The following GUCY1A2 variants were observed in gnomAD, a reference collection of about 807,000 sequenced individuals.
The protein encoded by GUCY1A2 is guanylate cyclase 1 soluble subunit alpha 2.
GUCY1A2 carries 27 observed loss-of-function variants against 63.5 expected under a neutral mutation model. That is an observed-to-expected ratio of 0.43 (90% CI 0.31 to 0.59). The LOEUF (loss-of-function observed/expected upper bound fraction) is 0.59, where lower values mean the gene tolerates loss of function less well. Among genes scored for constraint, GUCY1A2 ranks in the 20% least tolerant of loss-of-function variants. The probability of loss-of-function intolerance (pLI) is 0.11; values close to 1 mark genes in which losing one functional copy is unlikely to be tolerated. For missense variants in GUCY1A2, 768 were observed against 913.3 expected, an observed-to-expected ratio of 0.84 and a Z score of 2.05; for synonymous variants, 364 against 343.5, an observed-to-expected ratio of 1.06 and a Z score of -0.66.
intron 1 of GUCY1A2, among the ~76,000 whole-genome samples, chr11:106,998,481 G>A (rs1439285457): frequency 6.6e-6 from 1 of 152,190 alleles, no homozygotes; most frequent in Admixed American, 6.5e-5. Flanking sequence ...AAGTAAGCAT[G>A]TGCATATATT....
rs1202036785 is a variant in GUCY1A2, at chr11:106,824,530, A to G, written c.1207-14052T>C. On this transcript the variant is annotated intron_variant, in intron 4 of 7. Coordinates refer to ENST00000526355, the MANE Select transcript of GUCY1A2 (RefSeq NM_000855.3). ...CAGTGGTTAGAAACCACTGTTTTAA[A>G]CCAAATACTATCAAGTCTGCAAAAG... Among the ~76,000 whole-genome samples the G allele has an allele frequency of 4.6e-5, 7 of 151,926 alleles. No homozygotes were observed. In the East Asian group the frequency reaches 1.4e-3, roughly 29 times the overall value.
chr11:106,978,749 A>C lies in GUCY1A2; in HGVS notation c.366-9T>G, dbSNP rs1275173789. On this transcript the variant is annotated splice_polypyrimidine_tract_variant and intron_variant, in intron 2 of 7. Coordinates refer to ENST00000526355, the MANE Select transcript of GUCY1A2 (RefSeq NM_000855.3). Reference sequence around the variant, plus strand: ...TTTCTGCATCCCTGTAACTAAGAAGAAAACAAAATTAGCATAAGGAGAAAT... The same window carrying C: ...TTTCTGCATCCCTGTAACTAAGAAGCAAACAAAATTAGCATAAGGAGAAAT... 1 of 1,588,438 alleles carries C rather than the reference A, an allele frequency of 6.3e-7. No individual in the cohort carries two copies. The highest frequency in any genetic ancestry group is 8.5e-7 in the Non-Finnish European group (1 of 1,169,844).
At chr11:106,952,929 C>T (rs931409113) in intron 3 of GUCY1A2, among the ~76,000 whole-genome samples, 22 of 151,970 alleles carry the variant, frequency 1.4e-4, no homozygotes, top group African/African-American at 4.6e-4. Context: ...TATGAGTCAC[C>T]GCACCCAGCC....
At chr11:106,694,114 C>T (rs1170008259) in intron 7 of GUCY1A2, among the ~76,000 whole-genome samples, 1 of 152,100 alleles carries the variant, frequency 6.6e-6, no homozygotes, top group Non-Finnish European at 1.5e-5. Context: ...TACTGTTTTT[C>T]CTTTGGTCCA....
rs559583379 is a variant in GUCY1A2, at chr11:106,906,922, T to C, written c.1206+32538A>G. Among the ~76,000 whole-genome samples, 27 of 151,994 alleles carry C rather than the reference T, an allele frequency of 1.8e-4. No homozygotes were observed. The South Asian group carries it at 2.9e-3, about 16-fold the overall frequency. ...GACACAGGGAGGGGAAATTCACACA[T>C]TGGGGCCTGTCAGAGGGTTGGGGAC... On this transcript the variant is annotated intron_variant, in intron 4 of 7. Transcript: ENST00000526355.
At chr11:106,735,512 G>A (rs545439334) in intron 6 of GUCY1A2, among the ~76,000 whole-genome samples, 15 of 152,116 alleles carry the variant, frequency 9.9e-5, no homozygotes, top group South Asian at 2.1e-4. Context: ...ATGTGCATAT[G>A]TACCACATTT....
intron 4 of GUCY1A2, among the ~76,000 whole-genome samples, chr11:106,869,195 C>T (rs10431056): frequency 0.62 from 94,286 of 151,842 alleles, 29,840 homozygotes; most frequent in Non-Finnish European, 0.69. Flanking sequence ...GACATAGGCA[C>T]GGGCAAGGAC....
chr11:106,844,102 C>T (rs1363614247), intron 4 of GUCY1A2, among the ~76,000 whole-genome samples: 2 of 151,736 alleles, frequency 1.3e-5, no homozygotes, highest in Non-Finnish European at 2.9e-5. Context: ...ACAAAGAAAA[C>T]TTATAGTTGT....
At chr11:106,924,423 T>A (rs1253153793) in intron 4 of GUCY1A2, among the ~76,000 whole-genome samples, 1 of 152,172 alleles carries the variant, frequency 6.6e-6, no homozygotes, top group African/African-American at 2.4e-5. Flanking sequence ...TTTTTTGCAA[T>A]AAATGTTGTG....
chr11:106,785,042 G>T (rs1380785932), intron 5 of GUCY1A2, among the ~76,000 whole-genome samples: 2 of 152,108 alleles, frequency 1.3e-5, no homozygotes, highest in South Asian at 4.1e-4. Context: ...ATAGGCTCAG[G>T]AAAATAAAAG....
intron 7 of GUCY1A2, among the ~76,000 whole-genome samples, chr11:106,688,119 AG>A (rs1423249549): frequency 2.6e-5 from 4 of 152,218 alleles, no homozygotes; most frequent in Non-Finnish European, 5.9e-5. Flanking sequence ...TCAAGCATGC[AG>A]GATTTACCTT....
chr11:106,696,586 A>G (rs1392412583), intron 7 of GUCY1A2, among the ~76,000 whole-genome samples: 1 of 152,182 alleles, frequency 6.6e-6, no homozygotes, highest in Non-Finnish European at 1.5e-5. Context: ...TATTTTCTAT[A>G]TTATTCAACC....
At chr11:106,732,119 G>C (rs781637713) in intron 6 of GUCY1A2, among the ~76,000 whole-genome samples, 1 of 152,028 alleles carries the variant, frequency 6.6e-6, no homozygotes, top group Admixed American at 6.6e-5. Context: ...AACCAAGCTG[G>C]AGGAATCACA....
intron 7 of GUCY1A2, among the ~76,000 whole-genome samples, chr11:106,691,510 T>C (rs1406555046): frequency 6.6e-6 from 1 of 152,198 alleles, no homozygotes; most frequent in East Asian, 1.9e-4. Flanking sequence ...AGATCTTTGT[T>C]TTGCTATAAT....
chr11:106,991,654 A>T (rs1235543960), intron 1 of GUCY1A2, among the ~76,000 whole-genome samples: 2 of 152,240 alleles, frequency 1.3e-5, no homozygotes, highest in African/African-American at 4.8e-5. Context: ...AGCTTCTGAG[A>T]TGGATACTCA....
At chr11:106,845,647 T>A (rs371290384) in intron 4 of GUCY1A2, among the ~76,000 whole-genome samples, 56 of 148,058 alleles carry the variant, frequency 3.8e-4, no homozygotes, top group African/African-American at 1.2e-3. Context: ...CAGATAGTTT[T>A]AAAAAAAAAA....
At chr11:106,826,504 T>A (rs767161065) in intron 4 of GUCY1A2, 59 of 1,603,848 alleles carry the variant, frequency 3.7e-5, no homozygotes, top group Non-Finnish European at 4.8e-5. Context: ...TAAATCAGTT[T>A]CACCAATTAA....
At position 106,879,235 on chromosome 11, in the gene GUCY1A2, G is replaced by A. The variant is rs1431500035; in HGVS notation, c.1206+60225C>T. ...TTATGCATGCTTTTGTCCTATGTGT[G>A]TTTATTCAGCAAACATTCATCGATG... is the stretch of plus-strand genomic sequence containing the variant. On this transcript the variant is annotated intron_variant, in intron 4 of 7. Coordinates refer to ENST00000526355, the MANE Select transcript of GUCY1A2 (RefSeq NM_000855.3). 2.0e-5 allele frequency among the ~76,000 whole-genome samples: 3 copies of A among 152,080 alleles called. No homozygotes were observed. The East Asian group carries it at 5.8e-4, about 29-fold the overall frequency.
At chr11:106,916,771 C>T (rs1860375580) in intron 4 of GUCY1A2, among the ~76,000 whole-genome samples, 1 of 145,408 alleles carries the variant, frequency 6.9e-6, no homozygotes, top group East Asian at 2.1e-4. Flanking sequence ...TGATTACTGA[C>T]ATCATCACAG....
Sources: gnomAD v4.1 joint callset for allele counts (sites outside exome capture counted in the v4.1 genomes callset) on GRCh38, gnomAD v4.1.1 for gene constraint, MANE v1.5 for transcripts, NCBI Gene and HGNC (gene_info 2026-07-23, HGNC 2026-07-21) for gene names.